GPSM1: variants seen among roughly 807,000 people sequenced by gnomAD.
GPSM1 encodes the protein G protein-signaling modulator 1.
A neutral mutation model predicts 70.5 loss-of-function variants in GPSM1; 48 were observed. The observed-to-expected ratio is 0.68, with a 90% confidence interval of 0.54 to 0.87. The LOEUF (loss-of-function observed/expected upper bound fraction) is 0.87, where lower values mean the gene tolerates loss of function less well. Ranked by LOEUF, GPSM1 falls within the 40% of genes least tolerant of loss-of-function variation. The probability of loss-of-function intolerance (pLI) is 0.00; values close to 1 mark genes in which losing one functional copy is unlikely to be tolerated. For missense variants in GPSM1, 981 were observed against 972.6 expected, an observed-to-expected ratio of 1.01 and a Z score of -0.11; for synonymous variants, 416 against 430.1, an observed-to-expected ratio of 0.97 and a Z score of 0.41.
intron 1 of GPSM1, 22 bp downstream of exon 1, chr9:136,327,785 G>A (rs1263804013): frequency 2.9e-6 from 3 of 1,051,708 alleles, no homozygotes; most frequent in Non-Finnish European, 3.6e-6. Flanking sequence ...CGGGGCCGGG[G>A]CCGGGGCCGG....
In GPSM1 at chr9:136,330,754, C is replaced by T. The variant is rs181816703; in HGVS notation, c.68+2991C>T. On this transcript the variant is annotated intron_variant, in intron 1 of 13. Coordinates refer to ENST00000440944, the MANE Select transcript of GPSM1 (RefSeq NM_001145638.3). Reference sequence around the variant, plus strand: ...GGCTGGGACTGAGGGACACGGCTTTCGGGTGGCCGGAGGTAGTAGGAGTTG... The same window carrying T: ...GGCTGGGACTGAGGGACACGGCTTTTGGGTGGCCGGAGGTAGTAGGAGTTG... Among the ~76,000 whole-genome samples the T allele has an allele frequency of 5.3e-5, 8 of 152,250 alleles. No homozygotes were observed. In the East Asian group the frequency reaches 1.5e-3, roughly 29 times the overall value.
chr9:136,355,844 T>C lies in GPSM1; in HGVS notation c.1610T>C (p.Ile537Thr). ...GCCGCCCCCACCCTGGAGGACAGGA[T>C]CGGTGAGTGCCCCCCTCAGCCGGGC... is the stretch of plus-strand genomic sequence containing the variant. ...ATAAPTLEDR[I>T]AQPSMTASPQ... is the part of the protein sequence containing the mutation. The change falls in exon 12 of 14, where the codon ATC becomes ACC. Residue 537 changes from isoleucine to threonine, a missense_variant and splice_region_variant. Transcript: ENST00000440944. 6.2e-7 allele frequency: 1 copy of C among 1,605,894 alleles called. No individual in the cohort carries two copies. The highest frequency in any genetic ancestry group is 8.5e-7 in the Non-Finnish European group (1 of 1,175,604).
At chr9:136,353,693 C>T (rs1832733459) in intron 11 of GPSM1, among the ~76,000 whole-genome samples, 1 of 152,172 alleles carries the variant, frequency 6.6e-6, no homozygotes, top group Non-Finnish European at 1.5e-5. Flanking sequence ...CCTGCCTTTC[C>T]CAGGAGGGAC....
chr9:136,351,696 G>A (rs537461668), intron 11 of GPSM1, among the ~76,000 whole-genome samples: 121 of 152,332 alleles, frequency 7.9e-4, no homozygotes, highest in Non-Finnish European at 1.5e-3. Context: ...CACCTGCTGC[G>A]GGCCCTGCTC....
chr9:136,356,856 G>A (rs545645200), intron 13 of GPSM1, among the ~76,000 whole-genome samples: 12 of 152,292 alleles, frequency 7.9e-5, no homozygotes, highest in South Asian at 6.2e-4. Flanking sequence ...GGGGTCACAG[G>A]TCCTGGAGCT....
chr9:136,342,082 G>A lies in GPSM1; in HGVS notation c.1207+1089G>A, dbSNP rs1361283004. Among the ~76,000 whole-genome samples, 1 of 151,890 alleles carries A rather than the reference G, an allele frequency of 6.6e-6. No homozygotes were observed. Among genetic ancestry groups the A allele is most frequent in the Non-Finnish European group, 1.5e-5 (1 of 67,980 alleles). ...GAGCAGAGGCTCTGGGGCCCTCAGC[G>A]AGTCCGTGGGACAAGGTGCTGTGAC... On this transcript the variant is annotated intron_variant, in intron 9 of 13. Transcript: ENST00000440944. The surrounding 1 kb of genome is among the most constrained non-coding windows in gnomAD (Gnocchi z 5.5).
At chr9:136,338,505 C>T in intron 6 of GPSM1, 50 bp from the exon 7 acceptor site, 1 of 1,558,422 alleles carries the variant, frequency 6.4e-7, no homozygotes, top group Non-Finnish European at 8.7e-7. Context: ...ACCTTCCACC[C>T]CTCACCCTGG....
chr9:136,348,228 C>T (rs948295455), intron 9 of GPSM1, among the ~76,000 whole-genome samples: 2 of 152,230 alleles, frequency 1.3e-5, no homozygotes, highest in African/African-American at 4.8e-5. Flanking sequence ...CTGGCCTGGG[C>T]TGCCCGCAGT....
chr9:136,339,642 G>A (rs1425968307), intron 7 of GPSM1, 65 bp from the exon 8 acceptor site: 1 of 1,143,286 alleles, frequency 8.7e-7, no homozygotes, highest in Non-Finnish European at 1.3e-6. Flanking sequence ...ACCACCAGGG[G>A]AGGGGCTGGG....
At chr9:136,345,568 C>G (rs782695489) in intron 9 of GPSM1, among the ~76,000 whole-genome samples, 1 of 152,236 alleles carries the variant, frequency 6.6e-6, no homozygotes, top group Non-Finnish European at 1.5e-5. Flanking sequence ...CATGCGGTGT[C>G]CTGGTGGAGG....
intron 1 of GPSM1, among the ~76,000 whole-genome samples, chr9:136,330,755 G>C (rs78405119): frequency 6.6e-6 from 1 of 152,160 alleles, no homozygotes. Flanking sequence ...CACGGCTTTC[G>C]GGTGGCCGGA....
At chr9:136,332,086 C>CCCCCCG (rs2131392163) in intron 1 of GPSM1, 1 of 399,242 alleles carries the variant, frequency 2.5e-6, no homozygotes, top group African/African-American at 2.1e-5. Context: ...GTGTATGGCG[C>CCCCCCG]CCCCCGCCCC....
rs1832932735 is a variant in GPSM1 at position 136,359,271 on chromosome 9, AAG to A, written c.*1053_*1054del. ...TCCAGACCCAGCCTTGGCACCTCCC[AAG>A]ACTGCCAAGGGCCCTACCATGGCCC... On this transcript the variant is annotated 3_prime_UTR_variant, in exon 14 of 14. Transcript: ENST00000440944. The A allele has an allele frequency of 6.6e-6, 1 of 152,144 alleles. No individual in the cohort carries two copies. Among genetic ancestry groups the A allele is most frequent in the Non-Finnish European group, 1.5e-5 (1 of 68,020 alleles). 9.4% of individuals were successfully genotyped at this position (152,144 alleles called of 1,614,324 possible). A position where few individuals can be genotyped will look rare whatever the true frequency, so the allele number is the denominator to read the frequency against.
intron 9 of GPSM1, among the ~76,000 whole-genome samples, chr9:136,348,377 G>A (rs1176405328): frequency 3.3e-5 from 5 of 152,226 alleles, no homozygotes; most frequent in Non-Finnish European, 5.9e-5. Flanking sequence ...GGGAACAGCA[G>A]GACTGACGGG....
In GPSM1 at chr9:136,336,075, A is replaced by G; in HGVS notation, c.400A>G (p.Ser134Gly). The G allele has an allele frequency of 6.2e-7, 1 of 1,611,914 alleles. No individual in the cohort carries two copies. The highest frequency in any genetic ancestry group is 8.5e-7 in the Non-Finnish European group (1 of 1,179,868). ...TGCCGTCTGCTGCCAGCGGCATCTG[A>G]GCATCGCCCAAGAGCAGGGAGACAA... ...EAAVCCQRHL[S>G]IAQEQGDKVG... Residue 134 changes from serine to glycine, a missense_variant, in exon 3 of 14, where the codon AGC (serine) becomes GGC (glycine). Ser to Gly is a moderately conservative substitution (Grantham distance 56). Transcript: ENST00000440944.
chr9:136,338,272 C>G (rs2131398828), intron 6 of GPSM1, among the ~76,000 whole-genome samples: 1 of 152,354 alleles, frequency 6.6e-6, no homozygotes, highest in Admixed American at 6.5e-5. Flanking sequence ...AACCCCATCT[C>G]AGCCTGAGCA....
At chr9:136,345,325 GGA>G (rs1832496779) in intron 9 of GPSM1, among the ~76,000 whole-genome samples, 1 of 152,212 alleles carries the variant, frequency 6.6e-6, no homozygotes, top group Non-Finnish European at 1.5e-5. Flanking sequence ...CTCGCAGGCG[GGA>G]GAGACAGGAA....
intron 1 of GPSM1, among the ~76,000 whole-genome samples, chr9:136,328,020 A>G (rs1554768142): frequency 6.6e-6 from 1 of 152,036 alleles, no homozygotes. Context: ...CAGCTTCTCC[A>G]GCCTCACTCC....
At chr9:136,344,831 G>A (rs758216859) in intron 9 of GPSM1, among the ~76,000 whole-genome samples, 69 of 152,224 alleles carry the variant, frequency 4.5e-4, no homozygotes, top group Non-Finnish European at 7.9e-4. Context: ...GGAGGGCCTC[G>A]TGGGCCCTTG....
Sources: allele counts gnomAD v4.1 joint callset (sites outside exome capture counted in the v4.1 genomes callset), GRCh38; gene constraint gnomAD v4.1.1; non-coding constraint Gnocchi (gnomAD v3.1); transcripts MANE v1.5; gene names NCBI Gene and HGNC (gene_info 2026-07-23, HGNC 2026-07-21).